ADAMTS20: variants seen among roughly 807,000 people sequenced by gnomAD.
ADAMTS20 encodes ADAM metallopeptidase with thrombospondin type 1 motif 20.
In ADAMTS20, 225 loss-of-function variants were observed where a neutral mutation model predicts 260.1. The observed-to-expected ratio is 0.87, with a 90% confidence interval of 0.78 to 0.97. The LOEUF (loss-of-function observed/expected upper bound fraction) is 0.97. Among genes scored for constraint, ADAMTS20 ranks in the 50% least tolerant of loss-of-function variants. ADAMTS20 has a pLI of 0.00. For synonymous variants in ADAMTS20, 802 were observed against 769.5 expected (o/e 1.04, Z -0.70); for missense variants, 2,400 against 2,337.7 (o/e 1.03, Z -0.55).
Position 43,399,088 on chromosome 12 carries a change from C to T in ADAMTS20, c.4430G>A (p.Trp1477Ter), listed in dbSNP as rs1940757711. 9.8e-6 allele frequency: 15 copies of T among 1,527,462 alleles called. No individual in the cohort carries two copies. The highest frequency in any genetic ancestry group is 1.3e-5 in the Non-Finnish European group (15 of 1,136,004). 94.6% of individuals were successfully genotyped at this position (1,527,462 alleles called of 1,614,324 possible). ...TACCTCATTCCAGCTATTGGCTTTC[C>T]ATGAAGGGCATCTGACAGATCTACA... ...KACRSVRCPS[W>*]KANSWNECSV... The change falls in exon 29 of 39, where the codon TGG (tryptophan) becomes TAG (stop). Residue 1477 changes from tryptophan to a stop codon, truncating the protein, a stop_gained. Transcript: ENST00000389420. LOFTEE classifies it high-confidence loss of function.
At chr12:43,412,557 T>C (rs1187562222) in intron 28 of ADAMTS20, among the ~76,000 whole-genome samples, 1 of 148,838 alleles carries the variant, frequency 6.7e-6, no homozygotes, top group Non-Finnish European at 1.5e-5. Flanking sequence ...AAAGTTCTCC[T>C]GATTTCACCT....
rs1302186454 is a variant in ADAMTS20 at position 43,502,380 on chromosome 12, T to C, written c.639A>G (p.Leu213=). 6.3e-7 allele frequency: 1 copy of C among 1,594,666 alleles called. No homozygotes were observed. Among genetic ancestry groups the C allele is most frequent in the Non-Finnish European group, 8.5e-7 (1 of 1,175,196 alleles). ...TCATGTTGCTGTAGGTATGAAAGGG[T>C]AAACTGGTTTCCTTTATTTGACTTT... ...VSESQIKETS[L]PFHTYSNMNE... The change falls in exon 4 of 39, where the codon TTA becomes TTG. Residue 213 remains leucine (L), a synonymous_variant. Transcript: ENST00000389420.
In ADAMTS20 at chr12:43,453,982, C is replaced by T; in HGVS notation, c.1685G>A (p.Trp562Ter). ...TRPVNGEWGP[W>*]EPYSSCSRTC... is the part of the protein sequence containing the mutation. ...TCTTGAACAAGAACTGTAAGGTTCC[C>T]ATGGTCCCCATTCACCATTTACAGG... The change falls in exon 12 of 39, where the codon TGG (tryptophan) becomes TAG (stop). Residue 562 changes from tryptophan (W) to a stop codon, truncating the protein, a stop_gained. Transcript: ENST00000389420. LOFTEE classifies it high-confidence loss of function. 1 of 1,613,664 alleles carries T rather than the reference C, an allele frequency of 6.2e-7. No homozygotes were observed. Among genetic ancestry groups the T allele is most frequent in the South Asian group, 1.1e-5 (1 of 91,010 alleles).
chr12:43,466,499 CTCT>C (rs1324799214), intron 9 of ADAMTS20, among the ~76,000 whole-genome samples, 150 bp downstream of exon 9: 1 of 151,746 alleles, frequency 6.6e-6, no homozygotes, highest in Non-Finnish European at 1.5e-5. Context: ...ATGAACACAA[CTCT>C]TCTTGTTCTT....
chr12:43,452,682 C>T lies in ADAMTS20; in HGVS notation c.1774G>A (p.Gly592Arg). Residue 592 changes from glycine to arginine, a missense_variant, in exon 13 of 39, where the codon GGA (glycine) becomes AGA (arginine). Coordinates refer to ENST00000389420, the MANE Select transcript of ADAMTS20 (RefSeq NM_025003.5). ...ATCCTGCGGCCCACACAGTAATTTC[C>T]TCCGTTTCTTGGCCTAGTCAAATTC... ...RCNRPEPRNGGNYCVGRRMKF... is the reference protein window; with the variant it reads ...RCNRPEPRNGRNYCVGRRMKF... The T allele has an allele frequency of 1.2e-6, 2 of 1,604,582 alleles. No homozygotes were observed. Among genetic ancestry groups the T allele is most frequent in the African/African-American group, 1.3e-5 (1 of 74,914 alleles).
chr12:43,456,964 C>A (rs950031337), intron 11 of ADAMTS20, among the ~76,000 whole-genome samples: 1 of 152,098 alleles, frequency 6.6e-6, no homozygotes, highest in East Asian at 1.9e-4. Context: ...CAAAAAGAAC[C>A]AGGAAGTTAA....
At chr12:43,489,411 C>T (rs1474566440) in intron 7 of ADAMTS20, among the ~76,000 whole-genome samples, 1 of 151,490 alleles carries the variant, frequency 6.6e-6, no homozygotes, top group African/African-American at 2.4e-5. Context: ...AGTAAGAAAG[C>T]AACAAATACC....
At chr12:43,470,656 C>G (rs1369614952) in intron 7 of ADAMTS20, among the ~76,000 whole-genome samples, 2 of 152,158 alleles carry the variant, frequency 1.3e-5, no homozygotes, top group Non-Finnish European at 2.9e-5. Flanking sequence ...TACAGCCACC[C>G]AATCTAGCCA....
chr12:43,363,872 G>A lies in ADAMTS20; in HGVS notation c.5538+5418C>T, dbSNP rs116775639. ...AGACTATAAGACTAATTGAGGCCAT[G>A]GGGCCTCTATTTAATTGGATCAGAT... is the stretch of plus-strand genomic sequence containing the variant. On this transcript the variant is annotated intron_variant, in intron 37 of 38. Transcript: ENST00000389420. Among the ~76,000 whole-genome samples, 1,165 of 152,274 alleles carry A rather than the reference G, an allele frequency of 7.7e-3. 15 individuals carry two copies. Among genetic ancestry groups the A allele is most frequent in the African/African-American group, 0.026 (1,095 of 41,562 alleles).
chr12:43,545,261 A>C (rs7956754), intron 2 of ADAMTS20, among the ~76,000 whole-genome samples: 92,946 of 152,026 alleles, frequency 0.61, 29,068 homozygotes, highest in East Asian at 0.99. Context: ...TGTGCCTCCT[A>C]ATACATTGAA....
intron 2 of ADAMTS20, among the ~76,000 whole-genome samples, chr12:43,533,241 G>A (rs1943250673): frequency 7.4e-6 from 1 of 135,644 alleles, no homozygotes; most frequent in Non-Finnish European, 1.6e-5. Flanking sequence ...TTTAATGATT[G>A]CCATTCTAAC....
chr12:43,460,884 C>T (rs559463733), intron 11 of ADAMTS20, among the ~76,000 whole-genome samples: 6 of 135,994 alleles, frequency 4.4e-5, no homozygotes, highest in South Asian at 2.4e-4. Context: ...AAGAAAAAAA[C>T]GAATCTCTGG....
In ADAMTS20 at chr12:43,369,340, C is replaced by G. The variant is rs1431929039; in HGVS notation, c.5488G>C (p.Val1830Leu). 1.3e-6 allele frequency: 2 copies of G among 1,566,578 alleles called. No homozygotes were observed. The highest frequency in any genetic ancestry group is 1.9e-5 in the Admixed American group (1 of 53,424). ...LFSKTIFGNA[V>L]PFATAGDCYS... is the part of the protein sequence containing the mutation. Reference sequence around the variant, plus strand: ...CAATCTCCAGCTGTGGCAAATGGAACTGCATTTCCAAATATTGTTTTGGAA... The same window carrying G: ...CAATCTCCAGCTGTGGCAAATGGAAGTGCATTTCCAAATATTGTTTTGGAA... The change falls in exon 37 of 39, where the codon GTT becomes CTT. Residue 1830 changes from valine to leucine, a missense_variant. Physicochemically the swap from Val to Leu is conservative, Grantham distance 32. Coordinates refer to ENST00000389420, the MANE Select transcript of ADAMTS20 (RefSeq NM_025003.5).
At chr12:43,550,752 C>T (rs1296285849) in intron 2 of ADAMTS20, among the ~76,000 whole-genome samples, 157 bp downstream of exon 2, 1 of 152,172 alleles carries the variant, frequency 6.6e-6, no homozygotes, top group African/African-American at 2.4e-5. Flanking sequence ...CCAGAGCCTT[C>T]CGAAGGAGTT....
At chr12:43,532,289 A>G in intron 2 of ADAMTS20, 94 bp from the exon 3 acceptor site, 1 of 1,118,762 alleles carries the variant, frequency 8.9e-7, no homozygotes, top group South Asian at 1.7e-5. Context: ...GACAGAAGCA[A>G]AACAGCAAGG....
At chr12:43,374,925 C>T (rs1940188146) in intron 36 of ADAMTS20, among the ~76,000 whole-genome samples, 1 of 152,116 alleles carries the variant, frequency 6.6e-6, no homozygotes, top group Non-Finnish European at 1.5e-5. Context: ...AATCCCAGCA[C>T]TTTGGGAGGC....
At position 43,450,651 on chromosome 12, in the gene ADAMTS20, G is replaced by C. The variant is rs1342111589; in HGVS notation, c.2079+1623C>G. Reference sequence around the variant, plus strand: ...GGTAAAAGGTATTTGTTCATGGGGAGATGAAGTTGGCCCTATAGAGCTCCA... The same window carrying C: ...GGTAAAAGGTATTTGTTCATGGGGACATGAAGTTGGCCCTATAGAGCTCCA... On this transcript the variant is annotated intron_variant, in intron 14 of 38. Coordinates refer to ENST00000389420, the MANE Select transcript of ADAMTS20 (RefSeq NM_025003.5). 2.6e-5 allele frequency among the ~76,000 whole-genome samples: 4 copies of C among 152,142 alleles called. No individual in the cohort carries two copies. In the East Asian group the frequency reaches 7.7e-4, roughly 29 times the overall value.
chr12:43,387,903 TTGACATCAGACTGCCGTGC>T (rs935353225), intron 29 of ADAMTS20, among the ~76,000 whole-genome samples: 64 of 152,122 alleles, frequency 4.2e-4, no homozygotes, highest in African/African-American at 1.5e-3. Flanking sequence ...GCATCCCAGG[TTGACATCAGACTGCCGTGC>T]TGGCAGCAAG....
rs1159255480 is a variant in ADAMTS20, at chr12:43,446,622, T to C, written c.2170A>G (p.Thr724Ala). ...GGDNSSCKTI[T>A]GVFNSSHYGY... ...TAATGAGAACTGTTGAAGACACCTG[T>C]TATTGTCTTGCATGAAGAGTTGTCC... Residue 724 changes from threonine to alanine, a missense_variant, in exon 15 of 39, where the codon ACA becomes GCA. Physicochemically the swap from Thr to Ala is moderately conservative, Grantham distance 58. Coordinates refer to ENST00000389420, the MANE Select transcript of ADAMTS20 (RefSeq NM_025003.5). The C allele has an allele frequency of 6.2e-6, 10 of 1,613,086 alleles. No individual in the cohort carries two copies. Among genetic ancestry groups the C allele is most frequent in the Non-Finnish European group, 8.5e-6 (10 of 1,179,402 alleles).
Sources: allele counts gnomAD v4.1 joint callset (sites outside exome capture counted in the v4.1 genomes callset), GRCh38; gene constraint gnomAD v4.1.1; transcripts MANE v1.5; gene names NCBI Gene and HGNC (gene_info 2026-07-23, HGNC 2026-07-21).